PTN: variants seen among roughly 807,000 people sequenced by gnomAD.
PTN encodes the protein heparin affin regulatory protein.
In PTN, 18 loss-of-function variants were observed where a neutral mutation model predicts 24.1. The ratio of observed to expected loss-of-function variants is 0.75; its 90% CI spans 0.52 to 1.11. The LOEUF (loss-of-function observed/expected upper bound fraction) is 1.11, where lower values mean the gene tolerates loss of function less well. Ranked by LOEUF, PTN falls within the 50% of genes least tolerant of loss-of-function variation. The pLI is 0.00. For missense variants in PTN, 163 were observed against 198.8 expected (o/e 0.82, Z 1.08); for synonymous variants, 78 against 68.6 (o/e 1.14, Z -0.67).
intron 1 of PTN, among the ~76,000 whole-genome samples, chr7:137,327,749 T>A (rs949782296): frequency 3.9e-5 from 6 of 152,228 alleles, no homozygotes; most frequent in Admixed American, 1.3e-4. Flanking sequence ...CATTTCATTT[T>A]ACATTTGATT....
chr7:137,277,365 C>T (rs1353476540), intron 1 of PTN, among the ~76,000 whole-genome samples: 1 of 152,138 alleles, frequency 6.6e-6, no homozygotes, highest in East Asian at 1.9e-4. Flanking sequence ...TTAGACTTTC[C>T]TTAAGAATAT....
At chr7:137,291,136 G>A (rs1046264247) in intron 1 of PTN, among the ~76,000 whole-genome samples, 1 of 152,026 alleles carries the variant, frequency 6.6e-6, no homozygotes, top group Non-Finnish European at 1.5e-5. Context: ...TGTTTATTCT[G>A]TCTGTATACT....
chr7:137,244,928 G>A (rs1021609613), intron 4 of PTN, among the ~76,000 whole-genome samples: 9 of 152,070 alleles, frequency 5.9e-5, no homozygotes, highest in South Asian at 4.1e-4. Flanking sequence ...AGCAACTCTC[G>A]ATATTAAGCC....
At chr7:137,259,966 T>C (rs1809004760) in intron 1 of PTN, among the ~76,000 whole-genome samples, 1 of 146,176 alleles carries the variant, frequency 6.8e-6, no homozygotes, top group African/African-American at 2.5e-5. Flanking sequence ...AAAACTATTA[T>C]GTCTCCCACT....
intron 1 of PTN, among the ~76,000 whole-genome samples, chr7:137,293,909 ACTGT>A (rs1405140058): frequency 2.0e-5 from 3 of 152,224 alleles, no homozygotes; most frequent in African/African-American, 7.2e-5. Context: ...TGCCCTAAAG[ACTGT>A]CTGTGCTATG....
intron 1 of PTN, among the ~76,000 whole-genome samples, chr7:137,278,414 T>A (rs1379314074): frequency 6.7e-6 from 1 of 150,366 alleles, no homozygotes; most frequent in African/African-American, 2.5e-5. Context: ...CTAGAAGAGA[T>A]CTATTTTAAA....
intron 1 of PTN, among the ~76,000 whole-genome samples, chr7:137,299,349 A>G (rs1446210972): frequency 6.6e-6 from 1 of 151,908 alleles, no homozygotes; most frequent in African/African-American, 2.4e-5. Context: ...TATCTCAGTT[A>G]ATTTTACTAT....
intron 4 of PTN, among the ~76,000 whole-genome samples, chr7:137,228,352 T>C (rs1487153706): frequency 1.3e-5 from 2 of 151,782 alleles, no homozygotes; most frequent in East Asian, 1.9e-4. Flanking sequence ...TACAAATGCC[T>C]GTTATCTTAC....
At chr7:137,308,539 G>C (rs1809926053) in intron 1 of PTN, among the ~76,000 whole-genome samples, 1 of 152,148 alleles carries the variant, frequency 6.6e-6, no homozygotes, top group Non-Finnish European at 1.5e-5. Context: ...CTGCCAGGCT[G>C]CTATTGGGTG....
At chr7:137,256,599 C>T (rs942717733) in intron 1 of PTN, among the ~76,000 whole-genome samples, 1 of 152,072 alleles carries the variant, frequency 6.6e-6, no homozygotes, top group Non-Finnish European at 1.5e-5. Flanking sequence ...AATGGCTTTG[C>T]TATGTAATAG....
intron 1 of PTN, among the ~76,000 whole-genome samples, chr7:137,342,670 T>C (rs1562976874): frequency 1.3e-5 from 2 of 152,156 alleles, no homozygotes; most frequent in Admixed American, 1.3e-4. Context: ...TTTCTTAACT[T>C]ATTAGAAACA....
At chr7:137,249,792 T>C (rs1049228518) in intron 4 of PTN, among the ~76,000 whole-genome samples, 1 of 152,094 alleles carries the variant, frequency 6.6e-6, no homozygotes, top group Non-Finnish European at 1.5e-5. Flanking sequence ...AAAAACCATA[T>C]GACAACAGGC....
chr7:137,304,449 C>T (rs1809855157), intron 1 of PTN, among the ~76,000 whole-genome samples: 2 of 151,520 alleles, frequency 1.3e-5, no homozygotes, highest in African/African-American at 4.8e-5. Flanking sequence ...GCTCCCCCTC[C>T]CCATCAAAAA....
rs547343041 is a variant in PTN at position 137,247,948 on chromosome 7, A to C, written c.451+3282T>G. ...AATTTAGAGTTAGACAAATCTTGGC[A>C]CTGTCATTTATTAGAGATATACTCC... On this transcript the variant is annotated intron_variant, in intron 4 of 4. Coordinates refer to ENST00000348225, the MANE Select transcript of PTN (RefSeq NM_002825.7). Among the ~76,000 whole-genome samples the C allele has an allele frequency of 7.4e-4, 112 of 152,318 alleles. 1 individual carries two copies. The highest frequency in any genetic ancestry group is 1.3e-3 in the Non-Finnish European group (89 of 68,020).
rs187056197 is a variant in PTN, at chr7:137,262,114, G to T, written c.-1-7140C>A. 3.3e-5 allele frequency among the ~76,000 whole-genome samples: 5 copies of T among 152,214 alleles called. No homozygotes were observed. In the East Asian group the frequency reaches 9.7e-4, roughly 29 times the overall value. On this transcript the variant is annotated intron_variant, in intron 1 of 4. Transcript: ENST00000348225. ...TTATAAATATAGTATTATTTTACCTGAGATGCCCAAGGGATTTTTTTCTTT... is the reference window on the plus strand; with the variant it reads ...TTATAAATATAGTATTATTTTACCTTAGATGCCCAAGGGATTTTTTTCTTT...
chr7:137,341,651 C>T (rs1350485369), intron 1 of PTN, among the ~76,000 whole-genome samples: 2 of 152,096 alleles, frequency 1.3e-5, no homozygotes, highest in African/African-American at 4.8e-5. Flanking sequence ...AAGCAAACAG[C>T]TGGAACACAG....
At chr7:137,292,395 G>GT in intron 1 of PTN, among the ~76,000 whole-genome samples, 1 of 152,216 alleles carries the variant, frequency 6.6e-6, no homozygotes, top group East Asian at 1.9e-4. Context: ...ATGGGGAAGG[G>GT]TTTTTCCTGT....
At chr7:137,269,821 T>C (rs1301510144) in intron 1 of PTN, among the ~76,000 whole-genome samples, 2 of 151,802 alleles carry the variant, frequency 1.3e-5, no homozygotes, top group Non-Finnish European at 2.9e-5. Flanking sequence ...TTAGTAGAGA[T>C]GGGATTTCAC....
At chr7:137,268,950 A>C (rs1159567801) in intron 1 of PTN, among the ~76,000 whole-genome samples, 1 of 152,092 alleles carries the variant, frequency 6.6e-6, no homozygotes, top group East Asian at 1.9e-4. Flanking sequence ...AGTGTTTTGT[A>C]ACTCGTTTTG....
Sources: gnomAD v4.1 joint callset for allele counts (sites outside exome capture counted in the v4.1 genomes callset) on GRCh38, gnomAD v4.1.1 for gene constraint, MANE v1.5 for transcripts, NCBI Gene and HGNC (gene_info 2026-07-23, HGNC 2026-07-21) for gene names.